DISP1: variants seen among roughly 807,000 people sequenced by gnomAD.
DISP1 encodes protein dispatched homolog 1.
In DISP1, 30 loss-of-function variants were observed where a neutral mutation model predicts 37.3. That is an observed-to-expected ratio of 0.80 (90% CI 0.60 to 1.09). The LOEUF is 1.09. Among genes scored for constraint, DISP1 ranks in the 50% least tolerant of loss-of-function variants. DISP1 has a pLI of 0.00. For missense variants in DISP1, 1,598 were observed against 1,879.5 expected, an observed-to-expected ratio of 0.85 and a Z score of 2.77; for synonymous variants, 634 against 690.2, an observed-to-expected ratio of 0.92 and a Z score of 1.28.
intron 3 of DISP1, among the ~76,000 whole-genome samples, chr1:222,944,637 G>T (rs1674633746): frequency 6.6e-6 from 1 of 152,124 alleles, no homozygotes; most frequent in Admixed American, 6.5e-5. Context: ...CCCTTTCTCA[G>T]TTATTCCCTC....
intron 3 of DISP1, among the ~76,000 whole-genome samples, chr1:222,961,095 G>A (rs1676026677): frequency 6.8e-6 from 1 of 146,776 alleles, no homozygotes; most frequent in African/African-American, 2.4e-5. Flanking sequence ...AGAAAAAGAG[G>A]GATTCCTCCC....
rs1404435694 is a variant in DISP1 at position 222,837,361 on chromosome 1, G to A, written c.-159+22283G>A. ...TACTTTTGTACTGTTATGTGAGAGA[G>A]AAATAAACTTCTATCTTCTTTAAGC... On this transcript the variant is annotated intron_variant, in intron 1 of 8. Coordinates refer to ENST00000675850, the MANE Select transcript of DISP1 (RefSeq NM_001377229.1). The A allele has an allele frequency of 7.8e-5, 25 of 318,702 alleles. No individual in the cohort carries two copies. In the Admixed American group the frequency reaches 1.2e-3, roughly 16 times the overall value. 19.7% of individuals were successfully genotyped at this position (318,702 alleles called of 1,614,324 possible). A position where few individuals can be genotyped will look rare whatever the true frequency, so the allele number is the denominator to read the frequency against.
At chr1:222,945,310 G>C (rs1237195679) in intron 3 of DISP1, among the ~76,000 whole-genome samples, 1 of 150,072 alleles carries the variant, frequency 6.7e-6, no homozygotes, top group African/African-American at 2.4e-5. Flanking sequence ...TAGAAGATTT[G>C]TCCTGACCAC....
intron 1 of DISP1, chr1:222,835,292 A>T (rs1273192812): frequency 6.6e-6 from 1 of 152,196 alleles, no homozygotes; most frequent in Non-Finnish European, 1.5e-5. Flanking sequence ...CAGATAATTA[A>T]TGGTTCTCTT....
chr1:222,984,441 G>GT (rs1678110262), intron 4 of DISP1, among the ~76,000 whole-genome samples: 1 of 126,112 alleles, frequency 7.9e-6, no homozygotes, highest in African/African-American at 3.3e-5. Flanking sequence ...TATATAGAGA[G>GT]AGAGAGAGAG....
At chr1:222,861,147 C>G (rs1668858754) in intron 1 of DISP1, among the ~76,000 whole-genome samples, 1 of 152,106 alleles carries the variant, frequency 6.6e-6, no homozygotes. Context: ...CCTTTGCCGA[C>G]TCACCTCTCT....
At chr1:222,906,114 C>G (rs1572477056) in intron 1 of DISP1, among the ~76,000 whole-genome samples, 1 of 152,046 alleles carries the variant, frequency 6.6e-6, no homozygotes, top group South Asian at 2.1e-4. Context: ...CCAGCAGTTA[C>G]TTTTTTTTAA....
At chr1:222,897,780 T>A (rs1275410736) in intron 1 of DISP1, among the ~76,000 whole-genome samples, 2 of 152,326 alleles carry the variant, frequency 1.3e-5, no homozygotes, top group East Asian at 3.9e-4. Flanking sequence ...GTTTTTATTT[T>A]AAAAATACAT....
chr1:222,975,957 C>T (rs1677291712), intron 3 of DISP1, among the ~76,000 whole-genome samples: 1 of 151,890 alleles, frequency 6.6e-6, no homozygotes, highest in African/African-American at 2.4e-5. Flanking sequence ...AGGACCCAAG[C>T]TTATCTACAC....
intron 1 of DISP1, among the ~76,000 whole-genome samples, chr1:222,816,109 T>A (rs1176501654): frequency 1.4e-5 from 2 of 147,146 alleles, no homozygotes; most frequent in East Asian, 2.0e-4. Flanking sequence ...ATATAAATAT[T>A]TGCCATTGTC....
At chr1:222,875,955 C>A (rs2125356644) in intron 1 of DISP1, among the ~76,000 whole-genome samples, 1 of 150,360 alleles carries the variant, frequency 6.7e-6, no homozygotes, top group African/African-American at 2.4e-5. Context: ...AAGATATGTA[C>A]CTGACTCTAA....
chr1:222,874,225 A>C (rs578260863), intron 1 of DISP1, among the ~76,000 whole-genome samples: 5 of 151,394 alleles, frequency 3.3e-5, no homozygotes, highest in Non-Finnish European at 7.4e-5. Context: ...CTTCATTTCA[A>C]CTTTGGTGAA....
At chr1:222,818,820 T>C (rs990088968) in intron 1 of DISP1, among the ~76,000 whole-genome samples, 2 of 152,206 alleles carry the variant, frequency 1.3e-5, no homozygotes, top group Non-Finnish European at 2.9e-5. Flanking sequence ...CCTAAATTGG[T>C]GTTTGATTAA....
Position 222,942,966 on chromosome 1 carries a change from C to T in DISP1, c.143C>T (p.Thr48Ile). ...QQLTPKEATR[T>I]KVSPNGCLQL... ...CTCACACCCAAAGAAGCAACAAGAA[C>T]AAAAGTGAGTCCAAATGGATGCCTG... The change falls in exon 3 of 9, where the codon ACA becomes ATA. Residue 48 changes from threonine to isoleucine, a missense_variant. Coordinates refer to ENST00000675850, the MANE Select transcript of DISP1 (RefSeq NM_001377229.1). 1.2e-6 allele frequency: 2 copies of T among 1,614,174 alleles called. No individual in the cohort carries two copies. Among genetic ancestry groups the T allele is most frequent in the Non-Finnish European group, 1.7e-6 (2 of 1,180,028 alleles).
intron 1 of DISP1, among the ~76,000 whole-genome samples, chr1:222,818,515 A>G (rs1431372444): frequency 2.0e-5 from 3 of 152,174 alleles, no homozygotes; most frequent in Non-Finnish European, 4.4e-5. Context: ...GACCAATATC[A>G]CATATATATG....
chr1:222,975,106 G>T (rs1405350969), intron 3 of DISP1, among the ~76,000 whole-genome samples: 2 of 152,088 alleles, frequency 1.3e-5, no homozygotes, highest in Non-Finnish European at 2.9e-5. Flanking sequence ...CCTCACAGCA[G>T]CACTGACCTC....
rs1558339919 is a variant in DISP1, at chr1:222,936,810, A to ATTATATAT, written c.-17-5997_-17-5996insTTATATAT. Among the ~76,000 whole-genome samples the ATTATATAT allele has an allele frequency of 2.1e-3, 91 of 42,432 alleles. 1 individual carries two copies. Among genetic ancestry groups the ATTATATAT allele is most frequent in the African/African-American group, 6.5e-3 (82 of 12,522 alleles). 27.8% of individuals were successfully genotyped at this position (42,432 alleles called of 152,430 possible). On this transcript the variant is annotated intron_variant, in intron 2 of 8. Coordinates refer to ENST00000675850, the MANE Select transcript of DISP1 (RefSeq NM_001377229.1). The stretch of plus-strand genomic sequence containing the variant: ...AATATATATAATATATTATATATAT[A>ATTATATAT]AATTATATATAATATATATAAATTA...
intron 1 of DISP1, among the ~76,000 whole-genome samples, chr1:222,922,067 GC>G (rs1672832542): frequency 7.1e-6 from 1 of 140,676 alleles, no homozygotes; most frequent in Non-Finnish European, 1.5e-5. Context: ...AAAGGCCATT[GC>G]TGGTAGAGAG....
At chr1:222,869,276 T>C (rs1389157724) in intron 1 of DISP1, among the ~76,000 whole-genome samples, 1 of 152,184 alleles carries the variant, frequency 6.6e-6, no homozygotes, top group Non-Finnish European at 1.5e-5. Flanking sequence ...AAATATTTAC[T>C]AGAAGCCTGT....
Sources: gnomAD v4.1 joint callset for allele counts (sites outside exome capture counted in the v4.1 genomes callset) on GRCh38, gnomAD v4.1.1 for gene constraint, MANE v1.5 for transcripts, NCBI Gene and HGNC (gene_info 2026-07-23, HGNC 2026-07-21) for gene names.